Variants in SETD7 observed in about 807,000 individuals in gnomAD.
The protein encoded by SETD7 is histone-lysine N-methyltransferase SETD7.
In SETD7, 16 loss-of-function variants were observed where a neutral mutation model predicts 41.8. The ratio of observed to expected loss-of-function variants is 0.38; its 90% CI spans 0.26 to 0.58. The LOEUF (loss-of-function observed/expected upper bound fraction) is 0.58, where lower values mean the gene tolerates loss of function less well. SETD7 is among the 20% of genes least tolerant of loss of function. The pLI, the probability that SETD7 is intolerant of heterozygous loss-of-function variation, is 0.64. For synonymous variants in SETD7, 163 were observed against 169.7 expected (o/e 0.96, Z 0.31); for missense variants, 346 against 459.7 (o/e 0.75, Z 2.26).
chr4:139,529,351 AG>A (rs1727418558), intron 3 of SETD7, 131 bp from the exon 4 acceptor site: 1 of 636,746 alleles, frequency 1.6e-6, no homozygotes, highest in South Asian at 2.7e-5. Context: ...TTAGGAACCC[AG>A]AGCTTTTCAC....
At chr4:139,542,971 C>G (rs1031128913) in intron 2 of SETD7, among the ~76,000 whole-genome samples, 1 of 152,144 alleles carries the variant, frequency 6.6e-6, no homozygotes, top group South Asian at 2.1e-4. Flanking sequence ...CCAAGTCTTC[C>G]ATTACTACAC....
exon 8 of SETD7, chr4:139,496,451 G>C (rs1001887492): frequency 2.4e-5 from 17 of 702,376 alleles, no homozygotes; most frequent in Non-Finnish European, 3.1e-5. Context: ...GCTTGATCCA[G>C]ATGTGGGATC....
chr4:139,526,666 G>A (rs1351652963), intron 4 of SETD7, among the ~76,000 whole-genome samples: 1 of 152,010 alleles, frequency 6.6e-6, no homozygotes, highest in Non-Finnish European at 1.5e-5. Context: ...ATCCACATTT[G>A]GTAATGAGGA....
At chr4:139,493,664 C>T (rs1052762259), downstream of SETD7, among the ~76,000 whole-genome samples, 5 of 151,842 alleles carry the variant, frequency 3.3e-5, no homozygotes, top group Admixed American at 6.6e-5. Context: ...CTCAGCCTCT[C>T]GAGTAGCTGG....
chr4:139,494,113 A>G (rs1280317274), downstream of SETD7, among the ~76,000 whole-genome samples: 1 of 152,244 alleles, frequency 6.6e-6, no homozygotes, highest in Non-Finnish European at 1.5e-5. Context: ...GGCAATCCAC[A>G]GTATCTGCCA....
At chr4:139,518,526 G>A (rs535609609) in intron 6 of SETD7, among the ~76,000 whole-genome samples, 2 of 152,274 alleles carry the variant, frequency 1.3e-5, no homozygotes, top group East Asian at 1.9e-4. Flanking sequence ...TGTGGTCAGT[G>A]CCAGGCAGCT....
chr4:139,506,706 A>G lies in SETD7; in HGVS notation c.*4957T>C, dbSNP rs1391601173. 2 of 152,572 alleles carry G rather than the reference A, an allele frequency of 1.3e-5. No individual in the cohort carries two copies. Among genetic ancestry groups the G allele is most frequent in the African/African-American group, 2.4e-5 (1 of 41,420 alleles). 9.5% of individuals were successfully genotyped at this position (152,572 alleles called of 1,614,324 possible). Reference sequence around the variant, plus strand: ...TATCCAGGACCAAAGTGGAAAAAAAACCCCACTCAAGTTGAATATCATCAT... The same window carrying G: ...TATCCAGGACCAAAGTGGAAAAAAAGCCCCACTCAAGTTGAATATCATCAT... On this transcript the variant is annotated 3_prime_UTR_variant, in exon 8 of 8. Transcript: ENST00000274031.
At chr4:139,497,487 T>A (rs13113974) in intron 7 of SETD7, among the ~76,000 whole-genome samples, 1 of 151,796 alleles carries the variant, frequency 6.6e-6, no homozygotes, top group South Asian at 2.1e-4. Flanking sequence ...AATAAAAAAA[T>A]TTAAAAAGCC....
rs938815647 is a variant in SETD7 at position 139,555,250 on chromosome 4, G to T, written c.40+848C>A. Among the ~76,000 whole-genome samples, 2 of 151,482 alleles carry T rather than the reference G, an allele frequency of 1.3e-5. No homozygotes were observed. Among genetic ancestry groups the T allele is most frequent in the Non-Finnish European group, 2.9e-5 (2 of 67,948 alleles). ...TGGCGAGAAAAGTCGGGGGAGGGGCGGTAGAAGAGAAGGGGCGGAGAAACA... is the reference window on the plus strand; with the variant it reads ...TGGCGAGAAAAGTCGGGGGAGGGGCTGTAGAAGAGAAGGGGCGGAGAAACA... On this transcript the variant is annotated intron_variant, in intron 1 of 7. Coordinates refer to ENST00000274031, the MANE Select transcript of SETD7 (RefSeq NM_030648.4). The surrounding 1 kb of genome is among the most constrained non-coding windows in gnomAD (Gnocchi z 4.0).
chr4:139,554,283 C>A (rs1225049742), intron 1 of SETD7, among the ~76,000 whole-genome samples: 1 of 152,202 alleles, frequency 6.6e-6, no homozygotes, highest in Non-Finnish European at 1.5e-5. Flanking sequence ...TCTCAAAAAA[C>A]AATACTGCCA....
chr4:139,496,886 A>G (rs774202407), intron 7 of SETD7, among the ~76,000 whole-genome samples: 4 of 148,410 alleles, frequency 2.7e-5, no homozygotes, highest in Non-Finnish European at 5.9e-5. Flanking sequence ...ACACACACAC[A>G]CACATGCACA....
intron 2 of SETD7, among the ~76,000 whole-genome samples, chr4:139,541,369 A>G (rs75728862): frequency 1.3e-5 from 2 of 152,238 alleles, no homozygotes; most frequent in African/African-American, 2.4e-5. Context: ...ATCTAGGATT[A>G]GTATAAAAAT....
chr4:139,520,680 T>G (rs1374950139), intron 5 of SETD7, among the ~76,000 whole-genome samples: 1 of 152,220 alleles, frequency 6.6e-6, no homozygotes, highest in Non-Finnish European at 1.5e-5. Context: ...AGGTATTTTT[T>G]GGAAGAATTT....
intron 6 of SETD7, among the ~76,000 whole-genome samples, chr4:139,518,400 A>G (rs1236287694): frequency 6.6e-6 from 1 of 152,162 alleles, no homozygotes; most frequent in Non-Finnish European, 1.5e-5. Context: ...AAGTGTTGGG[A>G]TTACAGGTGT....
chr4:139,540,668 A>G (rs1727756082), intron 2 of SETD7, among the ~76,000 whole-genome samples: 1 of 152,224 alleles, frequency 6.6e-6, no homozygotes, highest in African/African-American at 2.4e-5. Context: ...TAGTTATTCA[A>G]TGTTACCCAT....
In SETD7 at chr4:139,529,080, G is replaced by A. The variant is rs1253886686; in HGVS notation, c.513C>T (p.Thr171=). 6.2e-7 allele frequency: 1 copy of A among 1,613,996 alleles called. No individual in the cohort carries two copies. The highest frequency in any genetic ancestry group is 2.2e-5 in the East Asian group (1 of 44,874). Residue 171 remains threonine, a synonymous_variant, in exon 4 of 8, where the codon ACC becomes ACT. Transcript: ENST00000274031. ...GCCTCCCTTCTTCAGTGGACATAAG[G>A]GTAGCCAGTTTGCCTTCTATCATCT... is the stretch of plus-strand genomic sequence containing the variant. ...DGEMIEGKLA[T]LMSTEEGRPH...
At chr4:139,517,124 G>C (rs548255848) in intron 7 of SETD7, among the ~76,000 whole-genome samples, 51 of 152,224 alleles carry the variant, frequency 3.4e-4, no homozygotes, top group African/African-American at 1.2e-3. Flanking sequence ...CTTTTCCAAC[G>C]CTGAGATGTC....
chr4:139,543,824 CGTGGTG>C lies in SETD7; in HGVS notation c.170+3090_170+3095del, dbSNP rs569600685. Among the ~76,000 whole-genome samples the C allele has an allele frequency of 3.0e-3, 434 of 145,702 alleles. 3 individuals carry two copies. Among genetic ancestry groups the C allele is most frequent in the African/African-American group, 9.9e-3 (401 of 40,454 alleles). On this transcript the variant is annotated intron_variant, in intron 2 of 7. Transcript: ENST00000274031. Reference sequence around the variant, plus strand: ...AAAAAAAAAAAAAAAATTAGCCGGGCGTGGTGGTGGGCGCCTGTAGTCCCAGCTACT... The same window carrying C: ...AAAAAAAAAAAAAAAATTAGCCGGGCGTGGGCGCCTGTAGTCCCAGCTACT...
At chr4:139,544,830 T>TGTGTGTGTGTGTGTGTGTG (rs1727893135) in intron 2 of SETD7, among the ~76,000 whole-genome samples, 2 of 101,138 alleles carry the variant, frequency 2.0e-5, no homozygotes, top group Admixed American at 9.9e-5. Flanking sequence ...GTGTGTGTGT[T>TGTGTGTGTGTGTGTGTGTG]TGTGTGTGGA....
Sources: gnomAD v4.1 joint callset for allele counts (sites outside exome capture counted in the v4.1 genomes callset) on GRCh38, gnomAD v4.1.1 for gene constraint, Gnocchi (gnomAD v3.1) non-coding constraint, MANE v1.5 for transcripts, NCBI Gene and HGNC (gene_info 2026-07-23, HGNC 2026-07-21) for gene names.